DOCK5: variants seen among roughly 807,000 people sequenced by gnomAD.
The protein encoded by DOCK5 is dedicator of cytokinesis protein 5.
In DOCK5, 142 loss-of-function variants were observed where a neutral mutation model predicts 251.8. The observed-to-expected ratio is 0.56, with a 90% CI of 0.49 to 0.65. The LOEUF (loss-of-function observed/expected upper bound fraction) is 0.65, where lower values mean the gene tolerates loss of function less well. Among genes scored for constraint, DOCK5 ranks in the 30% least tolerant of loss-of-function variants. DOCK5 has a pLI of 0.00. For missense variants in DOCK5, 2,111 were observed against 2,312.3 expected (o/e 0.91, Z 1.79); for synonymous variants, 842 against 835.5 (o/e 1.01, Z -0.13).
At chr8:25,254,893 A>T (rs1251397444) in intron 2 of DOCK5, among the ~76,000 whole-genome samples, 2 of 151,958 alleles carry the variant, frequency 1.3e-5, no homozygotes, top group East Asian at 3.8e-4. Context: ...ATGGGCAAAG[A>T]CCTTCACAGA....
intron 38 of DOCK5, among the ~76,000 whole-genome samples, chr8:25,379,042 A>C (rs1236829462): frequency 6.6e-6 from 1 of 152,224 alleles, no homozygotes; most frequent in Non-Finnish European, 1.5e-5. Context: ...AGGGGCAAAA[A>C]GCAGAGCAAA....
At chr8:25,188,495 CAG>C (rs1034858346) in intron 1 of DOCK5, among the ~76,000 whole-genome samples, 4 of 152,132 alleles carry the variant, frequency 2.6e-5, no homozygotes, top group African/African-American at 9.7e-5. Context: ...GCTTTGGACT[CAG>C]TATGAATTGT....
At chr8:25,329,833 G>T (rs902087406) in intron 18 of DOCK5, among the ~76,000 whole-genome samples, 1 of 152,062 alleles carries the variant, frequency 6.6e-6, no homozygotes, top group South Asian at 2.1e-4. Flanking sequence ...ACTATACAGC[G>T]AGAAAAAAAA....
At chr8:25,362,117 G>C (rs1355036869) in intron 28 of DOCK5, among the ~76,000 whole-genome samples, 1 of 152,222 alleles carries the variant, frequency 6.6e-6, no homozygotes, top group Non-Finnish European at 1.5e-5. Flanking sequence ...ACCAGCCACT[G>C]TTACGATCCA....
chr8:25,330,630 G>T (rs1282228526), intron 18 of DOCK5, among the ~76,000 whole-genome samples: 1 of 152,168 alleles, frequency 6.6e-6, no homozygotes, highest in Non-Finnish European at 1.5e-5. Flanking sequence ...GGCATTGGAA[G>T]TTTATCCTGT....
intron 1 of DOCK5, among the ~76,000 whole-genome samples, chr8:25,233,967 A>G (rs1263295070): frequency 6.6e-6 from 1 of 152,192 alleles, no homozygotes; most frequent in Non-Finnish European, 1.5e-5. Context: ...GGAGTATATA[A>G]ATACCCAGGA....
intron 26 of DOCK5, among the ~76,000 whole-genome samples, chr8:25,346,962 G>A (rs898653801): frequency 7.2e-5 from 11 of 152,128 alleles, no homozygotes; most frequent in Admixed American, 7.2e-4. Context: ...TCGAACAGTT[G>A]AGGGCTGAGA....
chr8:25,300,262 G>A (rs987002467), intron 8 of DOCK5, among the ~76,000 whole-genome samples: 1 of 152,222 alleles, frequency 6.6e-6, no homozygotes, highest in Non-Finnish European at 1.5e-5. Flanking sequence ...ATTTTGAGAT[G>A]GAAGGACAAC....
intron 1 of DOCK5, among the ~76,000 whole-genome samples, chr8:25,225,974 A>T (rs1185681154): frequency 6.6e-6 from 1 of 152,160 alleles, no homozygotes; most frequent in Non-Finnish European, 1.5e-5. Flanking sequence ...TGGTTGCACT[A>T]CAGTGTGAAT....
chr8:25,384,801 C>T lies in DOCK5; in HGVS notation c.4131+2023C>T, dbSNP rs911712601. On this transcript the variant is annotated intron_variant, in intron 40 of 51. Coordinates refer to ENST00000276440, the MANE Select transcript of DOCK5 (RefSeq NM_024940.8). ...AAAGAATCAGGGCCTGGCACAGTGG[C>T]TCACACCTGTAATCCCAGCTACTTG... 3.3e-5 allele frequency among the ~76,000 whole-genome samples: 5 copies of T among 152,022 alleles called. 1 individual carries two copies.
At chr8:25,314,455 C>A (rs1020141933) in intron 13 of DOCK5, among the ~76,000 whole-genome samples, 2 of 151,942 alleles carry the variant, frequency 1.3e-5, no homozygotes, top group Admixed American at 6.6e-5. Context: ...TACTCAGCAT[C>A]CCCATTTGGA....
intron 25 of DOCK5, among the ~76,000 whole-genome samples, chr8:25,343,209 A>G (rs181622634): frequency 5.9e-5 from 9 of 151,620 alleles, no homozygotes; most frequent in South Asian, 4.2e-4. Flanking sequence ...GGGTTTCACA[A>G]TGTTGGCCAG....
chr8:25,234,562 C>G (rs916801822), intron 1 of DOCK5, among the ~76,000 whole-genome samples: 1 of 152,124 alleles, frequency 6.6e-6, no homozygotes, highest in African/African-American at 2.4e-5. Context: ...AAAATGGAGG[C>G]TAATAGAACT....
chr8:25,352,008 A>G (rs1276975503), intron 27 of DOCK5, among the ~76,000 whole-genome samples, 182 bp downstream of exon 27: 8 of 152,104 alleles, frequency 5.3e-5, no homozygotes, highest in Admixed American at 3.3e-4. Context: ...GAGAGAAAAT[A>G]ATCCAGCCTA....
chr8:25,369,631 C>T lies in DOCK5; in HGVS notation c.3514C>T (p.Leu1172=), dbSNP rs754580486. Residue 1172 remains leucine, a synonymous_variant, in exon 34 of 52, where the codon CTG becomes TTG. Coordinates refer to ENST00000276440, the MANE Select transcript of DOCK5 (RefSeq NM_024940.8). ...AGGAGACGAACAATACAAGGTTCTT[C>T]TGGAAAAACTGTGAGTATTTCAGGA... The part of the protein sequence containing the change: ...GRGDEQYKVL[L]EKLLLEHCRK... 1.9e-6 allele frequency: 3 copies of T among 1,607,408 alleles called. No homozygotes were observed. The Admixed American group carries it at 5.1e-5, about 27-fold the overall frequency.
chr8:25,267,048 T>C (rs750865216), intron 2 of DOCK5, among the ~76,000 whole-genome samples: 4 of 152,150 alleles, frequency 2.6e-5, no homozygotes, highest in Non-Finnish European at 2.9e-5. Context: ...CCTGCCCGCC[T>C]CCCACTCTGC....
intron 19 of DOCK5, 123 bp from the exon 20 acceptor site, chr8:25,332,480 G>A: frequency 8.4e-7 from 1 of 1,187,928 alleles, no homozygotes; most frequent in Non-Finnish European, 1.2e-6. Context: ...TTAAACAAGT[G>A]TGCTAGTTTT....
chr8:25,244,974 A>G (rs1317483688), intron 2 of DOCK5, among the ~76,000 whole-genome samples: 1 of 152,148 alleles, frequency 6.6e-6, no homozygotes, highest in African/African-American at 2.4e-5. Flanking sequence ...CATCAATTCA[A>G]AGTCTCCAAG....
chr8:25,334,033 G>T, intron 20 of DOCK5, 63 bp from the exon 21 acceptor site: 1 of 1,262,592 alleles, frequency 7.9e-7, no homozygotes, highest in African/African-American at 1.5e-5. Context: ...GTTAAAATGC[G>T]GCTTGTTGAC....
Sources: gnomAD v4.1 joint callset for allele counts (sites outside exome capture counted in the v4.1 genomes callset) on GRCh38, gnomAD v4.1.1 for gene constraint, MANE v1.5 for transcripts, NCBI Gene and HGNC (gene_info 2026-07-23, HGNC 2026-07-21) for gene names.